The following DPP10 variants were observed in gnomAD, a reference collection of about 807,000 sequenced individuals.
DPP10 encodes inactive dipeptidyl peptidase 10.
Under a neutral mutation model 120.9 loss-of-function variants are expected in DPP10, and 33 were observed. That is an observed-to-expected ratio of 0.27 (90% CI 0.21 to 0.37). The LOEUF is 0.37. Among genes scored for constraint, DPP10 ranks in the 10% least tolerant of loss-of-function variants. The pLI is 1.00. For synonymous variants in DPP10, 337 were observed against 326.1 expected, an observed-to-expected ratio of 1.03 and a Z score of -0.36; for missense variants, 816 against 942.8, an observed-to-expected ratio of 0.87 and a Z score of 1.76.
chr2:114,746,586 T>A (rs184211095), intron 1 of DPP10, among the ~76,000 whole-genome samples: 1 of 152,314 alleles, frequency 6.6e-6, no homozygotes, highest in East Asian at 1.9e-4. Flanking sequence ...GGACTTGATG[T>A]CTCTGGAGCC....
intron 1 of DPP10, among the ~76,000 whole-genome samples, chr2:114,695,542 A>G (rs1484152062): frequency 6.6e-6 from 1 of 152,104 alleles, no homozygotes; most frequent in Admixed American, 6.6e-5. Context: ...AACATTCTAG[A>G]AATGTTCAAG....
At chr2:114,851,903 T>G (rs1688970984) in intron 1 of DPP10, among the ~76,000 whole-genome samples, 1 of 152,118 alleles carries the variant, frequency 6.6e-6, no homozygotes, top group Admixed American at 6.6e-5. Flanking sequence ...TCTAATTCAT[T>G]ATCTTTATTT....
chr2:115,798,475 T>G (rs906663275), intron 19 of DPP10, among the ~76,000 whole-genome samples: 1 of 152,104 alleles, frequency 6.6e-6, no homozygotes, highest in African/African-American at 2.4e-5. Context: ...AAATAATATA[T>G]TCTTTCCTTT....
At chr2:114,606,545 T>C (rs1279952845) in intron 1 of DPP10, among the ~76,000 whole-genome samples, 1 of 152,150 alleles carries the variant, frequency 6.6e-6, no homozygotes, top group Non-Finnish European at 1.5e-5. Context: ...AAGTCTCTTA[T>C]TCACAGTCTC....
intron 5 of DPP10, among the ~76,000 whole-genome samples, chr2:115,582,303 C>G (rs1376033543): frequency 2.6e-5 from 4 of 152,004 alleles, no homozygotes; most frequent in Non-Finnish European, 5.9e-5. Flanking sequence ...CCTTACCAGT[C>G]GAGTGCTGCA....
At chr2:114,718,566 A>G (rs1701504648) in intron 1 of DPP10, among the ~76,000 whole-genome samples, 1 of 152,206 alleles carries the variant, frequency 6.6e-6, no homozygotes, top group African/African-American at 2.4e-5. Flanking sequence ...CATAAGAACC[A>G]ATGTTTTTGG....
At position 115,356,827 on chromosome 2, in the gene DPP10, T is replaced by C; in HGVS notation, c.271+12915T>C. Among the ~76,000 whole-genome samples the C allele has an allele frequency of 1.3e-5, 2 of 152,214 alleles. 1 individual carries two copies. Among genetic ancestry groups the C allele is most frequent in the Middle Eastern group, 6.3e-3 (2 of 316 alleles). On this transcript the variant is annotated intron_variant, in intron 3 of 25. Coordinates refer to ENST00000410059, the MANE Select transcript of DPP10 (RefSeq NM_020868.6). ...TTTGCTATTGTAAAGGGTGCTACAA[T>C]GAACATATGGGTGTCTTCTTGGTAG...
intron 1 of DPP10, among the ~76,000 whole-genome samples, chr2:114,507,406 C>T (rs1683767288): frequency 6.6e-6 from 1 of 152,102 alleles, no homozygotes; most frequent in African/African-American, 2.4e-5. Flanking sequence ...GTTATACAAA[C>T]ATCACACAAA....
At chr2:115,148,102 T>C in intron 1 of DPP10, among the ~76,000 whole-genome samples, 2 of 152,230 alleles carry the variant, frequency 1.3e-5, no homozygotes, top group East Asian at 1.9e-4. Flanking sequence ...TGTCACTGAG[T>C]TCACAAAGGC....
intron 3 of DPP10, among the ~76,000 whole-genome samples, chr2:115,424,356 T>G (rs1324665933): frequency 6.6e-6 from 1 of 152,102 alleles, no homozygotes; most frequent in African/African-American, 2.4e-5. Flanking sequence ...AAAATAATGA[T>G]TGGATTAGAA....
chr2:114,600,010 T>G (rs779427224), intron 1 of DPP10, among the ~76,000 whole-genome samples: 10 of 151,742 alleles, frequency 6.6e-5, no homozygotes, highest in Non-Finnish European at 1.2e-4. Context: ...GGGTCTATTT[T>G]TTTAATGTGT....
chr2:115,722,006 C>G (rs2092660543), intron 7 of DPP10, among the ~76,000 whole-genome samples: 2 of 152,076 alleles, frequency 1.3e-5, no homozygotes, highest in African/African-American at 4.8e-5. Flanking sequence ...CACAGAAAGA[C>G]AAATACTGCA....
intron 1 of DPP10, among the ~76,000 whole-genome samples, chr2:114,476,825 C>T (rs550175453): frequency 6.6e-6 from 1 of 152,158 alleles, no homozygotes; most frequent in Non-Finnish European, 1.5e-5. Flanking sequence ...TAGTCAGCAC[C>T]CAGCTAAAGA....
At chr2:115,193,672 G>T (rs1018841233) in intron 1 of DPP10, among the ~76,000 whole-genome samples, 2 of 152,154 alleles carry the variant, frequency 1.3e-5, no homozygotes, top group Admixed American at 6.5e-5. Flanking sequence ...TCGGTAAGAT[G>T]GTTCCTTCCT....
intron 1 of DPP10, among the ~76,000 whole-genome samples, chr2:114,555,196 G>A (rs1688191235): frequency 6.6e-6 from 1 of 152,194 alleles, no homozygotes; most frequent in Non-Finnish European, 1.5e-5. Flanking sequence ...GTGTTTCTGT[G>A]TGCAGCCCTG....
chr2:115,394,433 A>G (rs988905030), intron 3 of DPP10, among the ~76,000 whole-genome samples: 4 of 150,418 alleles, frequency 2.7e-5, no homozygotes, highest in Non-Finnish European at 5.9e-5. Flanking sequence ...AGAAAATCAC[A>G]TTCTATTATA....
At position 115,086,581 on chromosome 2, in the gene DPP10, C is replaced by A. The variant is rs1708721512; in HGVS notation, c.61-222658C>A. ...ACACCATTCTCCTGCCTCAGCCTCC[C>A]CAGTAGCTGGGACTACAGGCGCCCA... On this transcript the variant is annotated intron_variant, in intron 1 of 25. Coordinates refer to ENST00000410059, the MANE Select transcript of DPP10 (RefSeq NM_020868.6). 2.6e-5 allele frequency among the ~76,000 whole-genome samples: 4 copies of A among 151,860 alleles called. No individual in the cohort carries two copies. The South Asian group carries it at 8.3e-4, about 32-fold the overall frequency.
chr2:115,090,331 C>A (rs1709139316), intron 1 of DPP10, among the ~76,000 whole-genome samples: 1 of 152,030 alleles, frequency 6.6e-6, no homozygotes, highest in Non-Finnish European at 1.5e-5. Flanking sequence ...CTTCTGGTTT[C>A]TTTCTGTTAT....
At chr2:114,744,025 G>A (rs1259230390) in intron 1 of DPP10, among the ~76,000 whole-genome samples, 2 of 152,122 alleles carry the variant, frequency 1.3e-5, no homozygotes, top group African/African-American at 4.8e-5. Context: ...CCCAGCAATG[G>A]TGGCATTTGA....
Sources: gnomAD v4.1 joint callset for allele counts (sites outside exome capture counted in the v4.1 genomes callset) on GRCh38, gnomAD v4.1.1 for gene constraint, MANE v1.5 for transcripts, NCBI Gene and HGNC (gene_info 2026-07-23, HGNC 2026-07-21) for gene names.